The following ANKAR variants were observed in gnomAD, a reference collection of about 807,000 sequenced individuals.
The protein encoded by ANKAR is ankyrin and armadillo repeat-containing protein.
Under a neutral mutation model 146.2 loss-of-function variants are expected in ANKAR, and 136 were observed. The observed-to-expected ratio is 0.93, with a 90% confidence interval of 0.81 to 1.07. The LOEUF (loss-of-function observed/expected upper bound fraction) is 1.07, where lower values mean the gene tolerates loss of function less well. Among genes scored for constraint, ANKAR ranks in the 50% least tolerant of loss-of-function variants. The pLI, the probability that ANKAR is intolerant of heterozygous loss-of-function variation, is 0.00. For synonymous variants in ANKAR, 500 were observed against 575.8 expected, an observed-to-expected ratio of 0.87 and a Z score of 1.88; for missense variants, 1,567 against 1,679.9, an observed-to-expected ratio of 0.93 and a Z score of 1.18.
intron 9 of ANKAR, among the ~76,000 whole-genome samples, 154 bp downstream of exon 9, chr2:189,707,300 A>G (rs2039071668): frequency 6.6e-6 from 1 of 151,882 alleles, no homozygotes; most frequent in South Asian, 2.1e-4. Context: ...AAATAAAAAT[A>G]TGAATAATAA....
At chr2:189,723,525 A>AT (rs1412487349) in intron 12 of ANKAR, among the ~76,000 whole-genome samples, 1 of 151,488 alleles carries the variant, frequency 6.6e-6, no homozygotes, top group South Asian at 2.1e-4. Flanking sequence ...AGATCACCTC[A>AT]TTTTTTTTCT....
chr2:189,747,032 T>G (rs1489437312), downstream of ANKAR: 1 of 154,790 alleles, frequency 6.5e-6, no homozygotes, highest in African/African-American at 2.4e-5. Flanking sequence ...AGACCCAAAA[T>G]GTATACCTTA....
chr2:189,708,682 A>G (rs1319231981), intron 9 of ANKAR, among the ~76,000 whole-genome samples: 3 of 152,200 alleles, frequency 2.0e-5, no homozygotes, highest in Non-Finnish European at 4.4e-5. Context: ...TCAATTTACA[A>G]TATTTCAACT....
intron 7 of ANKAR, 47 bp from the exon 8 acceptor site, chr2:189,704,976 G>A: frequency 3.2e-6 from 5 of 1,562,850 alleles, no homozygotes; most frequent in Non-Finnish European, 4.4e-6. Context: ...GTTTTTTTTA[G>A]GAATGGTAGT....
chr2:189,728,570 T>A (rs1401409132), intron 14 of ANKAR, 90 bp from the exon 15 acceptor site: 4 of 1,511,330 alleles, frequency 2.6e-6, no homozygotes, highest in Non-Finnish European at 3.6e-6. Context: ...CCCAAGTAGC[T>A]GGGATTACAA....
intron 22 of ANKAR, 27 bp from the exon 23 acceptor site, chr2:189,746,353 A>T: frequency 6.3e-7 from 1 of 1,580,484 alleles, no homozygotes; most frequent in Admixed American, 1.9e-5. Flanking sequence ...CTCTCAGGAG[A>T]GACATTTAAT....
chr2:189,744,005 G>T (rs1295958058), intron 21 of ANKAR, among the ~76,000 whole-genome samples: 2 of 152,176 alleles, frequency 1.3e-5, no homozygotes, highest in Non-Finnish European at 2.9e-5. Flanking sequence ...AAAAAGGGAG[G>T]AGAAGAGAAT....
intron 19 of ANKAR, among the ~76,000 whole-genome samples, chr2:189,739,050 T>C (rs2043103594): frequency 6.6e-6 from 1 of 152,222 alleles, no homozygotes; most frequent in Non-Finnish European, 1.5e-5. Flanking sequence ...CTCTGTCTGG[T>C]TTCCTTTTGT....
At chr2:189,739,252 AAAGT>A (rs2043121455) in intron 19 of ANKAR, among the ~76,000 whole-genome samples, 1 of 152,158 alleles carries the variant, frequency 6.6e-6, no homozygotes, top group Non-Finnish European at 1.5e-5. Flanking sequence ...TGCCACTCTT[AAAGT>A]AACATAAGGC....
In ANKAR at chr2:189,736,499, G is replaced by GTTTTTTTTTT. The variant is rs71938893; in HGVS notation, c.3424-1180_3424-1179insTTTTTTTTTT. Among the ~76,000 whole-genome samples, 208 of 113,704 alleles carry GTTTTTTTTTT rather than the reference G, an allele frequency of 1.8e-3. 27 individuals are homozygous for GTTTTTTTTTT. Among genetic ancestry groups the GTTTTTTTTTT allele is most frequent in the East Asian group, 0.015 (55 of 3,596 alleles). 74.6% of individuals were successfully genotyped at this position (113,704 alleles called of 152,430 possible). On this transcript the variant is annotated intron_variant, in intron 17 of 22. Transcript: ENST00000684021. ...TCTTTTTGCCTATTTAGGTGACTGG[G>GTTTTTTTTTT]TTTTGTGTGTGTGTGTGTGTGTGTG...
At chr2:189,708,213 C>T (rs2039227115) in intron 9 of ANKAR, among the ~76,000 whole-genome samples, 3 of 152,216 alleles carry the variant, frequency 2.0e-5, no homozygotes, top group Non-Finnish European at 4.4e-5. Flanking sequence ...GTCTTCCCTT[C>T]TCAGCAGTTT....
chr2:189,730,443 A>G (rs2042298977), intron 15 of ANKAR, 52 bp from the exon 16 acceptor site: 1 of 1,156,232 alleles, frequency 8.6e-7, no homozygotes. Flanking sequence ...GTTTGACTTT[A>G]CCATTTGTAA....
At chr2:189,762,460 G>A (rs1329944097), downstream of ANKAR, 1 of 497,396 alleles carries the variant, frequency 2.0e-6, no homozygotes, top group African/African-American at 2.1e-5. Context: ...GTGCAGCCCA[G>A]ACAGACACAA....
Position 189,744,693 on chromosome 2 carries a change from G to A in ANKAR, c.4011-49G>A, listed in dbSNP as rs769015475. On this transcript the variant is annotated intron_variant, in intron 21 of 22. Transcript: ENST00000684021. ...ATACTTCTTCATATATTTTTTCTGG[G>A]TGCATTATGTCTTCATTTATTTTAA... is the stretch of plus-strand genomic sequence containing the variant. 4.4e-6 allele frequency: 6 copies of A among 1,357,278 alleles called. No individual in the cohort carries two copies. In the Admixed American group the frequency reaches 5.5e-5, roughly 12 times the overall value. The allele number at this position is 1,357,278 out of a possible 1,614,324, so 84.1% of individuals were successfully genotyped here.
chr2:189,739,175 T>G (rs2043114496), intron 19 of ANKAR, among the ~76,000 whole-genome samples: 1 of 152,218 alleles, frequency 6.6e-6, no homozygotes, highest in Non-Finnish European at 1.5e-5. Context: ...TATAACTGTG[T>G]CTACTGCAGA....
At position 189,676,812 on chromosome 2, in the gene ANKAR, G is replaced by A; in HGVS notation, c.322G>A (p.Ala108Thr). The change falls in exon 2 of 23, where the codon GCT (alanine) becomes ACT (threonine). Residue 108 changes from alanine to threonine, a missense_variant. Ala to Thr is a moderately conservative substitution (Grantham distance 58, BLOSUM62 0). Transcript: ENST00000684021. Reference protein sequence around the residue: ...REVHQMIRELAIGIYCLNQIP... With the variant: ...REVHQMIRELTIGIYCLNQIP... The stretch of plus-strand genomic sequence containing the variant: ...GGTCCATCAAATGATAAGAGAGTTG[G>A]CTATTGGAATTTATTGCCTAAATCA... 6 of 1,614,116 alleles carry A rather than the reference G, an allele frequency of 3.7e-6. No homozygotes were observed. Among genetic ancestry groups the A allele is most frequent in the Non-Finnish European group, 5.1e-6 (6 of 1,180,022 alleles).
Position 189,676,883 on chromosome 2 carries a change from T to C in ANKAR, c.393T>C (p.Ser131=), listed in dbSNP as rs750180907. Residue 131 remains serine, a synonymous_variant, in exon 2 of 23, where the codon TCT becomes TCC. Coordinates refer to ENST00000684021, the MANE Select transcript of ANKAR (RefSeq NM_001378068.1). ...AAGCTAATTATGATCAGAGTTCTTCTTGTCAATTACCTCCAGCTTATTATG... is the reference window on the plus strand; with the variant it reads ...AAGCTAATTATGATCAGAGTTCTTCCTGTCAATTACCTCCAGCTTATTATG... ...SLEANYDQSS[S]CQLPPAYYDT... The C allele has an allele frequency of 6.2e-6, 10 of 1,614,100 alleles. No individual in the cohort carries two copies. In the South Asian group the frequency reaches 1.1e-4, roughly 18 times the overall value.
downstream of ANKAR, chr2:189,762,860 T>G (rs917615439): frequency 1.0e-6 from 1 of 985,268 alleles, no homozygotes; most frequent in Non-Finnish European, 1.2e-6. Context: ...GCATGCTTAG[T>G]GAAGAAAAGC....
At chr2:189,701,210 C>CT (rs912849612) in intron 7 of ANKAR, among the ~76,000 whole-genome samples, 3 of 151,648 alleles carry the variant, frequency 2.0e-5, no homozygotes, top group African/African-American at 4.8e-5. Context: ...TCTTTCTGTT[C>CT]TTTTTTCCCC....
Sources: gnomAD v4.1 joint callset for allele counts (sites outside exome capture counted in the v4.1 genomes callset) on GRCh38, gnomAD v4.1.1 for gene constraint, MANE v1.5 for transcripts, NCBI Gene and HGNC (gene_info 2026-07-23, HGNC 2026-07-21) for gene names.